The following TRIM29 variants were observed in gnomAD, a reference collection of about 807,000 sequenced individuals.
The protein encoded by TRIM29 is tripartite motif-containing protein 29.
A neutral mutation model predicts 57.3 loss-of-function variants in TRIM29; 52 were observed. That is an observed-to-expected ratio of 0.91 (90% CI 0.73 to 1.14). The LOEUF is 1.14. TRIM29 is among the 50% of genes most tolerant of loss of function. The pLI, the probability that TRIM29 is intolerant of heterozygous loss-of-function variation, is 0.00. For missense variants in TRIM29, 753 were observed against 774.6 expected, an observed-to-expected ratio of 0.97 and a Z score of 0.33; for synonymous variants, 319 against 316.9, an observed-to-expected ratio of 1.01 and a Z score of -0.07.
At position 120,122,934 on chromosome 11, in the gene TRIM29, G is replaced by A. The variant is rs760172690; in HGVS notation, c.1435+20C>T. 1.3e-5 allele frequency: 21 copies of A among 1,608,502 alleles called. No individual in the cohort carries two copies. The highest frequency in any genetic ancestry group is 1.7e-5 in the Admixed American group (1 of 59,958). On this transcript the variant is annotated intron_variant, in intron 5 of 8. Coordinates refer to ENST00000341846, the MANE Select transcript of TRIM29 (RefSeq NM_012101.4). ...GCAGCAGGAGAGACACTAGGTCTGG[G>A]GTGAGGGGCTCCCTCTTACCTTTGG...
intron 7 of TRIM29, chr11:120,117,461 C>T (rs1382594668): frequency 1.3e-5 from 2 of 154,836 alleles, no homozygotes; most frequent in East Asian, 1.9e-4. Context: ...CTGCATAGCC[C>T]CTTTCCCTCT....
intron 7 of TRIM29, chr11:120,115,699 C>T (rs1863250545): frequency 4.5e-6 from 2 of 445,284 alleles, no homozygotes; most frequent in African/African-American, 2.0e-5. Context: ...TCCAGCGCAG[C>T]ATCACACTGC....
At chr11:120,136,364 A>AT (rs527330237) in intron 1 of TRIM29, among the ~76,000 whole-genome samples, 213 of 152,334 alleles carry the variant, frequency 1.4e-3, no homozygotes, top group African/African-American at 4.4e-3. Flanking sequence ...TACAAAGCCT[A>AT]TTTTGTAATA....
Position 120,127,454 on chromosome 11 carries a change from G to C in TRIM29, c.1016C>G (p.Ala339Gly). 6.2e-7 allele frequency: 1 copy of C among 1,614,178 alleles called. No individual in the cohort carries two copies. Among genetic ancestry groups the C allele is most frequent in the South Asian group, 1.1e-5 (1 of 91,076 alleles). The change falls in exon 3 of 9, where the codon GCT becomes GGT. Residue 339 changes from alanine (A) to glycine (G), a missense_variant. Transcript: ENST00000341846. ...RAALEQREQDAVDQVKVIMDA... is the reference protein window; with the variant it reads ...RAALEQREQDGVDQVKVIMDA... ...CATGATCACCTTCACTTGGTCCACA[G>C]CATCCTGCTCCCGCTGCTCCAGCGC...
At chr11:120,132,944 T>C (rs1380559780) in intron 1 of TRIM29, among the ~76,000 whole-genome samples, 3 of 152,030 alleles carry the variant, frequency 2.0e-5, no homozygotes, top group African/African-American at 7.3e-5. Flanking sequence ...ACCCTGGCCA[T>C]CTCCAGCCAA....
intron 5 of TRIM29, among the ~76,000 whole-genome samples, chr11:120,122,414 C>A (rs929304075): frequency 1.3e-5 from 2 of 152,156 alleles, no homozygotes; most frequent in Middle Eastern, 3.2e-3. Flanking sequence ...TAGGCCGGCA[C>A]CTTGCAGGCT....
chr11:120,129,441 G>A (rs757874835), intron 1 of TRIM29, among the ~76,000 whole-genome samples: 2 of 152,162 alleles, frequency 1.3e-5, no homozygotes, highest in Non-Finnish European at 2.9e-5. Flanking sequence ...AAGCATCCAA[G>A]AGAGCCTTGG....
intron 7 of TRIM29, 149 bp downstream of exon 7, chr11:120,118,074 C>A: frequency 1.4e-6 from 1 of 724,292 alleles, no homozygotes; most frequent in Non-Finnish European, 2.4e-6. Context: ...CAGCAAAGAC[C>A]ATGGCGGTAG....
intron 7 of TRIM29, chr11:120,117,199 G>C (rs1221103836): frequency 8.7e-6 from 2 of 229,170 alleles, no homozygotes; most frequent in Non-Finnish European, 1.8e-5. Context: ...GGCCAGGCTT[G>C]AGCAGAGAGC....
intron 7 of TRIM29, chr11:120,117,824 T>A (rs1012281456): frequency 4.5e-6 from 1 of 224,068 alleles, no homozygotes; most frequent in Non-Finnish European, 8.9e-6. Context: ...TGCAGGATGC[T>A]GGCAGGTGCC....
chr11:120,115,832 T>C, intron 7 of TRIM29: 1 of 216,628 alleles, frequency 4.6e-6, no homozygotes, highest in Non-Finnish European at 9.3e-6. Context: ...GGCGCTCACT[T>C]GGACTCCCCT....
chr11:120,114,733 T>C (rs908469986), intron 8 of TRIM29, among the ~76,000 whole-genome samples: 2 of 152,134 alleles, frequency 1.3e-5, no homozygotes, highest in Non-Finnish European at 2.9e-5. Flanking sequence ...AGGAAGAGTC[T>C]CAGAGAGGGT....
chr11:120,136,910 G>A (rs1160708671), intron 1 of TRIM29, among the ~76,000 whole-genome samples: 1 of 152,174 alleles, frequency 6.6e-6, no homozygotes, highest in Non-Finnish European at 1.5e-5. Context: ...CTATGCAGTT[G>A]GGTCATACTC....
At chr11:120,128,982 T>G in intron 1 of TRIM29, 1 of 1,256,924 alleles carries the variant, frequency 8.0e-7, no homozygotes, top group Non-Finnish European at 1.0e-6. Flanking sequence ...CAGCCAGGGT[T>G]GCCGCCGGCG....
intron 1 of TRIM29, 102 bp from the exon 2 acceptor site, chr11:120,128,597 G>A: frequency 6.6e-7 from 1 of 1,504,018 alleles, no homozygotes. Flanking sequence ...TCGCAGCCAG[G>A]GCTCATCACT....
intron 2 of TRIM29, 22 bp downstream of exon 2, chr11:120,128,378 G>A: frequency 6.2e-7 from 1 of 1,608,326 alleles, no homozygotes; most frequent in East Asian, 2.2e-5. Flanking sequence ...GGAGCAGCAA[G>A]GTGAGCTTGG....
intron 8 of TRIM29, 42 bp downstream of exon 8, chr11:120,115,296 T>TCTCTGGATGTGCCCAGGC (rs1203116072): frequency 2.5e-6 from 4 of 1,595,236 alleles, no homozygotes; most frequent in Middle Eastern, 1.7e-4. Context: ...AGTGCCCAGG[T>TCTCTGGATGTGCCCAGGC]CTCTGGATGT....
At chr11:120,132,858 A>C (rs1028877613) in intron 1 of TRIM29, among the ~76,000 whole-genome samples, 1 of 152,134 alleles carries the variant, frequency 6.6e-6, no homozygotes, top group Admixed American at 6.5e-5. Flanking sequence ...AGTCTGTTTG[A>C]CTGAGATTTA....
intron 1 of TRIM29, among the ~76,000 whole-genome samples, chr11:120,130,112 C>T (rs1863688687): frequency 6.6e-6 from 1 of 152,138 alleles, no homozygotes; most frequent in South Asian, 2.1e-4. Flanking sequence ...CGATGCAGAG[C>T]CCAAGAGCCC....
Sources: gnomAD v4.1 joint callset for allele counts (sites outside exome capture counted in the v4.1 genomes callset) on GRCh38, gnomAD v4.1.1 for gene constraint, MANE v1.5 for transcripts, NCBI Gene and HGNC (gene_info 2026-07-23, HGNC 2026-07-21) for gene names.